HS3ST3A1: variants seen among roughly 807,000 people sequenced by gnomAD.
The protein encoded by HS3ST3A1 is heparan sulfate glucosamine 3-O-sulfotransferase 3A1.
In HS3ST3A1, 19 loss-of-function variants were observed where a neutral mutation model predicts 25.7. The ratio of observed to expected loss-of-function variants is 0.74; its 90% CI spans 0.52 to 1.08. The LOEUF (loss-of-function observed/expected upper bound fraction) is 1.08. Ranked by LOEUF, HS3ST3A1 falls within the 50% of genes least tolerant of loss-of-function variation. The probability of loss-of-function intolerance (pLI) is 0.00; values close to 1 mark genes in which losing one functional copy is unlikely to be tolerated. For synonymous variants in HS3ST3A1, 226 were observed against 278.6 expected, an observed-to-expected ratio of 0.81 and a Z score of 1.88; for missense variants, 459 against 594.3, an observed-to-expected ratio of 0.77 and a Z score of 2.37.
At chr17:13,544,126 A>G (rs1231001956) in intron 1 of HS3ST3A1, among the ~76,000 whole-genome samples, 3 of 152,250 alleles carry the variant, frequency 2.0e-5, no homozygotes, top group Non-Finnish European at 2.9e-5. Flanking sequence ...AAGAAAAAAT[A>G]TATAATGCTT....
chr17:13,510,319 G>A (rs923421597), intron 1 of HS3ST3A1, among the ~76,000 whole-genome samples: 25 of 152,188 alleles, frequency 1.6e-4, no homozygotes, highest in African/African-American at 4.8e-4. Flanking sequence ...GAATTATCGA[G>A]TCTTTGCATA....
At chr17:13,584,309 C>T (rs1908189158) in intron 1 of HS3ST3A1, among the ~76,000 whole-genome samples, 1 of 151,832 alleles carries the variant, frequency 6.6e-6, no homozygotes, top group Non-Finnish European at 1.5e-5. Flanking sequence ...TATGCTTTTA[C>T]CAAAATGTTC....
chr17:13,556,546 T>A (rs1195357496), intron 1 of HS3ST3A1, among the ~76,000 whole-genome samples: 1 of 85,562 alleles, frequency 1.2e-5, no homozygotes, highest in African/African-American at 7.5e-5. Context: ...AATAAATAGA[T>A]AAAAAATAAA....
At chr17:13,504,239 C>T (rs1447759158) in intron 1 of HS3ST3A1, among the ~76,000 whole-genome samples, 1 of 152,118 alleles carries the variant, frequency 6.6e-6, no homozygotes, top group Non-Finnish European at 1.5e-5. Context: ...ATAACTTGAA[C>T]CCAGGAAGTG....
chr17:13,546,815 T>A (rs1252649198), intron 1 of HS3ST3A1, among the ~76,000 whole-genome samples: 1 of 152,188 alleles, frequency 6.6e-6, no homozygotes, highest in African/African-American at 2.4e-5. Context: ...TCAATAAATA[T>A]TTGTTGAATA....
intron 1 of HS3ST3A1, among the ~76,000 whole-genome samples, chr17:13,549,291 A>G (rs8075934): frequency 0.39 from 59,340 of 152,096 alleles, 12,073 homozygotes; most frequent in African/African-American, 0.5. Flanking sequence ...AACTGCAGAC[A>G]CATCTGAACA....
chr17:13,514,964 C>G (rs961695079), intron 1 of HS3ST3A1, among the ~76,000 whole-genome samples: 1 of 152,006 alleles, frequency 6.6e-6, no homozygotes, highest in African/African-American at 2.4e-5. Context: ...GATTAATGAA[C>G]TATATGTACT....
chr17:13,498,551 C>G (rs181408194), intron 1 of HS3ST3A1, among the ~76,000 whole-genome samples: 6 of 152,260 alleles, frequency 3.9e-5, no homozygotes, highest in African/African-American at 1.2e-4. Context: ...ATTATCTGAC[C>G]TATCCCGTTT....
intron 1 of HS3ST3A1, among the ~76,000 whole-genome samples, chr17:13,515,346 G>C (rs1210528318): frequency 2.0e-5 from 3 of 152,098 alleles, no homozygotes; most frequent in African/African-American, 7.2e-5. Context: ...TTTTAGTAGA[G>C]ATGGGTTTTC....
At chr17:13,534,058 C>A (rs2142335375) in intron 1 of HS3ST3A1, among the ~76,000 whole-genome samples, 1 of 152,256 alleles carries the variant, frequency 6.6e-6, no homozygotes, top group African/African-American at 2.4e-5. Context: ...AAACCATAAC[C>A]TGCAAGTTTT....
rs11440630 is a variant in HS3ST3A1 at position 13,522,231 on chromosome 17, TA to T, written c.600-25414del. On this transcript the variant is annotated intron_variant, in intron 1 of 1. Transcript: ENST00000284110. The stretch of plus-strand genomic sequence containing the variant: ...TGCAGATAAATAACATGGATTATGG[TA>T]AAAAAAAAAAAGTTAACAATACCGA... Among the ~76,000 whole-genome samples the T allele has an allele frequency of 2.0e-3, 301 of 148,188 alleles. 3 individuals are homozygous for T. The South Asian group carries it at 0.025, about 12-fold the overall frequency.
rs1908712344 is a variant in HS3ST3A1, at chr17:13,600,879, G to A, written c.251C>T (p.Ala84Val). Reference sequence around the variant, plus strand: ...TTGCAGGAGGCGCTTTCTCTGTGCCGCCGCCGGCCACACCGCCAGCTCCCT... The same window carrying A: ...TTGCAGGAGGCGCTTTCTCTGTGCCACCGCCGGCCACACCGCCAGCTCCCT... ...GPRELAVWPAAAQRKRLLQLP... is the reference protein window; with the variant it reads ...GPRELAVWPAVAQRKRLLQLP... The change falls in exon 1 of 2, where the codon GCG (alanine) becomes GTG (valine). Residue 84 changes from alanine (A) to valine (V), a missense_variant. This residue lies in a region of HS3ST3A1 where 346 missense variants were observed against 303.9 expected (regional missense o/e 1.14). Coordinates refer to ENST00000284110, the MANE Select transcript of HS3ST3A1 (RefSeq NM_006042.3). The A allele has an allele frequency of 2.7e-6, 4 of 1,465,928 alleles. No homozygotes were observed. The highest frequency in any genetic ancestry group is 1.4e-5 in the South Asian group (1 of 72,782). 90.8% of individuals were successfully genotyped at this position (1,465,928 alleles called of 1,614,324 possible).
chr17:13,548,990 C>T (rs762038750), intron 1 of HS3ST3A1, among the ~76,000 whole-genome samples: 4 of 152,218 alleles, frequency 2.6e-5, no homozygotes, highest in South Asian at 2.1e-4. Context: ...GCCACCCGAG[C>T]CCGCAGCAGC....
chr17:13,541,233 C>G (rs1906922462), intron 1 of HS3ST3A1, among the ~76,000 whole-genome samples: 1 of 152,126 alleles, frequency 6.6e-6, no homozygotes. Context: ...AAAATTCCAG[C>G]CATAAAGTTT....
intron 1 of HS3ST3A1, among the ~76,000 whole-genome samples, chr17:13,590,945 T>A (rs868780532): frequency 1.3e-5 from 2 of 152,130 alleles, no homozygotes; most frequent in African/African-American, 4.8e-5. Flanking sequence ...GACCTCAGGG[T>A]AGCTCGGTGA....
intron 1 of HS3ST3A1, among the ~76,000 whole-genome samples, chr17:13,518,637 A>T (rs1906129429): frequency 6.6e-6 from 1 of 152,230 alleles, no homozygotes; most frequent in South Asian, 2.1e-4. Context: ...ATGGAACATT[A>T]GCACTTGTGC....
chr17:13,545,545 A>G (rs1162135743), intron 1 of HS3ST3A1, among the ~76,000 whole-genome samples: 7 of 152,184 alleles, frequency 4.6e-5, no homozygotes, highest in Admixed American at 3.9e-4. Context: ...ACTGGGCCAC[A>G]GAGATTTTGG....
intron 1 of HS3ST3A1, among the ~76,000 whole-genome samples, chr17:13,546,872 T>C (rs1237251166): frequency 1.3e-5 from 2 of 152,212 alleles, no homozygotes; most frequent in African/African-American, 2.4e-5. Context: ...GAGACAAGTG[T>C]AGGGAGAGCT....
intron 1 of HS3ST3A1, among the ~76,000 whole-genome samples, chr17:13,568,528 A>C (rs1697021289): frequency 6.6e-6 from 1 of 152,184 alleles, no homozygotes; most frequent in South Asian, 2.1e-4. Context: ...GCTCTTTGTC[A>C]AATATTTTTA....
Sources: allele counts gnomAD v4.1 joint callset (sites outside exome capture counted in the v4.1 genomes callset), GRCh38; gene constraint gnomAD v4.1.1; regional missense constraint gnomAD v4.1.1; transcripts MANE v1.5; gene names NCBI Gene and HGNC (gene_info 2026-07-23, HGNC 2026-07-21).